SMOC2: variants seen among roughly 807,000 people sequenced by gnomAD.
SMOC2 encodes SPARC related modular calcium binding 2.
SMOC2 carries 39 observed loss-of-function variants against 61.4 expected under a neutral mutation model. That is an observed-to-expected ratio of 0.64 (90% confidence interval 0.49 to 0.83). The LOEUF is 0.83. SMOC2 is among the 40% of genes least tolerant of loss of function. The pLI is 0.00. For missense variants in SMOC2, 556 were observed against 592.9 expected (o/e 0.94, Z 0.65); for synonymous variants, 247 against 239.9 (o/e 1.03, Z -0.27).
intron 9 of SMOC2, among the ~76,000 whole-genome samples, chr6:168,614,328 T>C (rs868547506): frequency 8.9e-4 from 33 of 36,970 alleles, no homozygotes; most frequent in African/African-American, 1.8e-3. Flanking sequence ...GGCCTCTTCA[T>C]ACCTACAGCC....
intron 1 of SMOC2, among the ~76,000 whole-genome samples, chr6:168,459,751 G>A (rs1781678791): frequency 6.9e-6 from 1 of 145,850 alleles, no homozygotes; most frequent in African/African-American, 2.6e-5. Context: ...CCTTGTGGTG[G>A]GTGAGCCCTG....
chr6:168,508,450 C>T (rs930586655), intron 1 of SMOC2, among the ~76,000 whole-genome samples: 7 of 152,148 alleles, frequency 4.6e-5, no homozygotes, highest in Non-Finnish European at 8.8e-5. Context: ...CCAGCCTTGC[C>T]GAGTTAGCTC....
chr6:168,652,929 C>T (rs374563431), intron 10 of SMOC2, 25 bp from the exon 11 acceptor site: 46 of 1,607,216 alleles, frequency 2.9e-5, no homozygotes, highest in African/African-American at 5.4e-5. Flanking sequence ...TTTAAGCATC[C>T]TGACGGCATC....
chr6:168,568,161 T>A (rs913962953), intron 7 of SMOC2, among the ~76,000 whole-genome samples: 1 of 151,910 alleles, frequency 6.6e-6, no homozygotes, highest in African/African-American at 2.4e-5. Flanking sequence ...GTGTCTCATA[T>A]TAGAATTTAG....
At chr6:168,444,278 T>C (rs937054414) in intron 1 of SMOC2, among the ~76,000 whole-genome samples, 2 of 152,156 alleles carry the variant, frequency 1.3e-5, no homozygotes, top group African/African-American at 4.8e-5. Flanking sequence ...CAGGGAAATA[T>C]GTCAGCCTCT....
intron 7 of SMOC2, among the ~76,000 whole-genome samples, chr6:168,559,809 C>T (rs150556530): frequency 6.6e-6 from 1 of 152,282 alleles, no homozygotes; most frequent in East Asian, 1.9e-4. Flanking sequence ...ATATTTTTAC[C>T]AGTCCATCCT....
At chr6:168,638,373 A>G (rs559772112) in intron 9 of SMOC2, among the ~76,000 whole-genome samples, 7 of 152,316 alleles carry the variant, frequency 4.6e-5, no homozygotes, top group Admixed American at 2.0e-4. Context: ...TAACTTTAAG[A>G]GCAAGTGTCA....
At chr6:168,548,716 A>G (rs1346617497) in intron 6 of SMOC2, among the ~76,000 whole-genome samples, 2 of 152,158 alleles carry the variant, frequency 1.3e-5, no homozygotes, top group Non-Finnish European at 1.5e-5. Context: ...GGTGTTCCTG[A>G]AAAGTTTCAG....
At position 168,551,332 on chromosome 6, in the gene SMOC2, GTAGA is replaced by G. The variant is rs565983433; in HGVS notation, c.637+2131_637+2134del. On this transcript the variant is annotated intron_variant, in intron 7 of 12. Transcript: ENST00000356284. ...AGGATGAAAATGGACTAATACATTG[GTAGA>G]TCTTGAAAACCATTGAAGAATAAAT... Among the ~76,000 whole-genome samples, 690 of 152,248 alleles carry G rather than the reference GTAGA, an allele frequency of 4.5e-3. 3 individuals carry two copies. Among genetic ancestry groups the G allele is most frequent in the Non-Finnish European group, 7.7e-3 (525 of 68,038 alleles).
At chr6:168,454,552 A>G (rs540602633) in intron 1 of SMOC2, among the ~76,000 whole-genome samples, 2 of 152,032 alleles carry the variant, frequency 1.3e-5, no homozygotes, top group Non-Finnish European at 2.9e-5. Flanking sequence ...GGTTCTGCAG[A>G]TGGGAGGCAC....
chr6:168,638,723 G>A (rs927816768), intron 9 of SMOC2, among the ~76,000 whole-genome samples: 15 of 152,284 alleles, frequency 9.9e-5, no homozygotes, highest in East Asian at 3.9e-4. Flanking sequence ...TGGGGTGGGC[G>A]GCTGACAGGT....
intron 7 of SMOC2, among the ~76,000 whole-genome samples, chr6:168,588,811 G>T (rs1172681520): frequency 6.6e-6 from 1 of 152,184 alleles, no homozygotes; most frequent in Non-Finnish European, 1.5e-5. Flanking sequence ...AGTAAATACT[G>T]GTTAGGTGTG....
chr6:168,619,353 A>G (rs1259919277), intron 9 of SMOC2, among the ~76,000 whole-genome samples: 1 of 84,706 alleles, frequency 1.2e-5, no homozygotes, highest in East Asian at 3.6e-4. Context: ...GGCATCTGCC[A>G]GACAAATTAA....
intron 8 of SMOC2, among the ~76,000 whole-genome samples, chr6:168,600,117 G>C (rs990329102): frequency 6.6e-6 from 1 of 152,148 alleles, no homozygotes; most frequent in Non-Finnish European, 1.5e-5. Flanking sequence ...ATAAAAGCCA[G>C]TGGCTTGGTC....
At chr6:168,584,917 C>T (rs1313171456) in intron 7 of SMOC2, among the ~76,000 whole-genome samples, 3 of 152,164 alleles carry the variant, frequency 2.0e-5, no homozygotes, top group Non-Finnish European at 4.4e-5. Context: ...GTTGATGCCC[C>T]CTCACTCTTG....
At chr6:168,464,214 A>G (rs535161577) in intron 1 of SMOC2, among the ~76,000 whole-genome samples, 11 of 149,842 alleles carry the variant, frequency 7.3e-5, no homozygotes, top group South Asian at 6.6e-4. Context: ...AGGAAGGAAG[A>G]AAGGAAGGAA....
At chr6:168,538,417 G>C (rs1270734186) in intron 4 of SMOC2, among the ~76,000 whole-genome samples, 1 of 128,690 alleles carries the variant, frequency 7.8e-6, no homozygotes, top group Non-Finnish European at 1.7e-5. Flanking sequence ...TAGGGGAGTG[G>C]GGTGACCGCT....
chr6:168,642,910 G>T (rs978177121), intron 9 of SMOC2, among the ~76,000 whole-genome samples: 5 of 152,090 alleles, frequency 3.3e-5, no homozygotes, highest in African/African-American at 4.8e-5. Flanking sequence ...GAAACATCTC[G>T]CACCCCTTTC....
intron 12 of SMOC2, chr6:168,664,382 A>ATTTTTTTT (rs1562413940): frequency 3.3e-6 from 1 of 300,964 alleles, no homozygotes; most frequent in Non-Finnish European, 5.7e-6. Context: ...TGTTTGGTAG[A>ATTTTTTTT]TCTTTTTTTT....
Sources: gnomAD v4.1 joint callset for allele counts (sites outside exome capture counted in the v4.1 genomes callset) on GRCh38, gnomAD v4.1.1 for gene constraint, MANE v1.5 for transcripts, NCBI Gene and HGNC (gene_info 2026-07-23, HGNC 2026-07-21) for gene names.